The following MTMR4 variants were observed in gnomAD, a reference collection of about 807,000 sequenced individuals.
MTMR4 encodes phosphatidylinositol-3,5-bisphosphate 3-phosphatase MTMR4.
In MTMR4, 30 loss-of-function variants were observed where a neutral mutation model predicts 125.5. That is an observed-to-expected ratio of 0.24 (90% confidence interval 0.18 to 0.32). MTMR4 has a LOEUF of 0.32. Ranked by LOEUF, MTMR4 falls within the 10% of genes least tolerant of loss-of-function variation. MTMR4 has a pLI of 1.00. For synonymous variants in MTMR4, 498 were observed against 564.5 expected (o/e 0.88, Z 1.67); for missense variants, 1,039 against 1,511.5 (o/e 0.69, Z 5.18).
At chr17:58,492,438 G>T in intron 17 of MTMR4, 73 bp downstream of exon 17, 2 of 1,334,444 alleles carry the variant, frequency 1.5e-6, no homozygotes, top group Admixed American at 1.9e-5. Flanking sequence ...CAAGGTGTTG[G>T]CATTACAGGT....
At chr17:58,517,989 A>C (rs976190855), upstream of MTMR4, 2 of 152,716 alleles carry the variant, frequency 1.3e-5, no homozygotes, top group African/African-American at 2.4e-5. Context: ...CCCTGCCCCC[A>C]TCACGCAGCC....
rs761469404 is a variant in MTMR4 at position 58,506,773 on chromosome 17, G to A, written c.1003C>T (p.Arg335Trp). 1.2e-6 allele frequency: 2 copies of A among 1,613,942 alleles called. No homozygotes were observed. The highest frequency in any genetic ancestry group is 1.7e-6 in the Non-Finnish European group (2 of 1,179,998). The change falls in exon 9 of 18, where the codon CGG becomes TGG. Residue 335 changes from arginine (R) to tryptophan (W), a missense_variant. Physicochemically the swap from Arg to Trp is moderately radical, Grantham distance 101. This residue lies in a region of MTMR4 where 107 missense variants were observed against 267.4 expected (regional missense o/e 0.40). Coordinates refer to ENST00000682306, the MANE Select transcript of MTMR4 (RefSeq NM_001378067.1). Reference sequence around the variant, plus strand: ...CATTCACAGCCTCCACCCTTGGCCCGGTTGGCCACTGCTGCCGTGTAGGAT... The same window carrying A: ...CATTCACAGCCTCCACCCTTGGCCCAGTTGGCCACTGCTGCCGTGTAGGAT... Reference protein sequence around the residue: ...ARSYTAAVANRAKGGGCECEE... With the variant: ...ARSYTAAVANWAKGGGCECEE...
intron 15 of MTMR4, among the ~76,000 whole-genome samples, chr17:58,493,297 A>G (rs945365895): frequency 6.6e-6 from 1 of 152,248 alleles, no homozygotes; most frequent in Admixed American, 6.5e-5. Context: ...TGTTTTTGTA[A>G]ATCAGGTTTT....
At chr17:58,514,218 A>G in intron 1 of MTMR4, 145 bp downstream of exon 1, 1 of 725,410 alleles carries the variant, frequency 1.4e-6, no homozygotes, top group Non-Finnish European at 1.7e-6. Flanking sequence ...CCAAGAAATA[A>G]AAGGGTTAAC....
upstream of MTMR4, chr17:58,514,655 AG>A (rs1448911869): frequency 8.4e-5 from 83 of 984,850 alleles, no homozygotes; most frequent in Non-Finnish European, 9.8e-5. Context: ...GCGAGGGGAG[AG>A]CCCGGGACCG....
intron 14 of MTMR4, among the ~76,000 whole-genome samples, chr17:58,498,847 T>C: frequency 6.6e-6 from 1 of 152,146 alleles, no homozygotes; most frequent in East Asian, 1.9e-4. Flanking sequence ...TCTCCTACTT[T>C]TTAAGCTCAG....
chr17:58,517,983 G>GC (rs1567941345), upstream of MTMR4: 3 of 152,896 alleles, frequency 2.0e-5, no homozygotes, highest in Admixed American at 2.0e-4. Context: ...GTCCCGCCCT[G>GC]CCCCCATCAC....
chr17:58,492,459 G>A (rs1975338465), intron 17 of MTMR4, 52 bp downstream of exon 17: 1 of 1,532,330 alleles, frequency 6.5e-7, no homozygotes, highest in Non-Finnish European at 8.9e-7. Flanking sequence ...GTGAGCCACT[G>A]CGCCTGGCCT....
chr17:58,505,321 G>C, intron 10 of MTMR4, 151 bp downstream of exon 10: 1 of 641,390 alleles, frequency 1.6e-6, no homozygotes, highest in South Asian at 1.8e-5. Flanking sequence ...GAAGTGGAAG[G>C]GTTCTTGGAA....
intron 15 of MTMR4, among the ~76,000 whole-genome samples, chr17:58,493,616 A>C (rs1975373021): frequency 6.6e-6 from 1 of 152,198 alleles, no homozygotes; most frequent in African/African-American, 2.4e-5. Context: ...GGCCTCACAA[A>C]GTCCTAAGAC....
chr17:58,508,752 A>T lies in MTMR4; in HGVS notation c.425T>A (p.Phe142Tyr), dbSNP rs780113945. The T allele has an allele frequency of 1.9e-6, 3 of 1,614,208 alleles. No individual in the cohort carries two copies. Among genetic ancestry groups the T allele is most frequent in the Non-Finnish European group, 2.5e-6 (3 of 1,180,036 alleles). ...GCACCAGGCATGGTAGGCAAAGGCA[A>T]AGAGGTCTTCAGGCTTGGCAGGTCT... is the stretch of plus-strand genomic sequence containing the variant. ...TARPAKPEDL[F>Y]AFAYHAWCLG... The change falls in exon 5 of 18, where the codon TTT becomes TAT. Residue 142 changes from phenylalanine to tyrosine, a missense_variant. By Grantham distance (22) the Phe-to-Tyr change is conservative (BLOSUM62 3). Around this residue, in one of 6 missense-constraint regions of MTMR4, gnomAD observed 202 missense variants for 311.9 expected, o/e 0.65. Coordinates refer to ENST00000682306, the MANE Select transcript of MTMR4 (RefSeq NM_001378067.1). This position sits in a 1 kb window ranked among gnomAD's most constrained non-coding sequence, Gnocchi z 4.8.
In MTMR4 at chr17:58,504,284, C is replaced by T; in HGVS notation, c.1527+19G>A. ...CTGTCATTCCCCCCATCCCTGTTGT[C>T]ACAGGCCTTAGGACTTACCAGGAAT... On this transcript the variant is annotated intron_variant, in intron 12 of 17. Transcript: ENST00000682306. The surrounding 1 kb of genome is among the most constrained non-coding windows in gnomAD (Gnocchi z 7.1). The T allele has an allele frequency of 6.2e-7, 1 of 1,607,568 alleles. No individual in the cohort carries two copies. The highest frequency in any genetic ancestry group is 8.5e-7 in the Non-Finnish European group (1 of 1,174,458).
chr17:58,499,444 G>C (rs1975560155), intron 14 of MTMR4, among the ~76,000 whole-genome samples: 1 of 152,026 alleles, frequency 6.6e-6, no homozygotes, highest in Non-Finnish European at 1.5e-5. Context: ...TTACTCGGGA[G>C]GCTGAGGCAG....
chr17:58,498,759 A>G (rs1174638061), intron 14 of MTMR4, among the ~76,000 whole-genome samples: 2 of 151,934 alleles, frequency 1.3e-5, no homozygotes, highest in African/African-American at 4.8e-5. Flanking sequence ...TTTCAATCCC[A>G]ATTTCCCTGT....
At chr17:58,516,654 C>A (rs1297446231), upstream of MTMR4, 8 of 1,576,312 alleles carry the variant, frequency 5.1e-6, no homozygotes, top group Admixed American at 6.7e-5. Context: ...AGTAAAGGAC[C>A]CCATTAACAT....
Position 58,503,916 on chromosome 17 carries a change from T to C in MTMR4, c.1699-18A>G, listed in dbSNP as rs972507750. 35 of 1,604,852 alleles carry C rather than the reference T, an allele frequency of 2.2e-5. No individual in the cohort carries two copies. The highest frequency in any genetic ancestry group is 3.0e-5 in the Non-Finnish European group (35 of 1,175,208). ...TGCAGGACCTAGGGAAGCAGCCCAA[T>C]ACTAGTGCTTTGTCAAGAGTTCCTT... On this transcript the variant is annotated intron_variant, in intron 13 of 17. Transcript: ENST00000682306.
chr17:58,502,656 G>A (rs59359991), intron 14 of MTMR4, among the ~76,000 whole-genome samples: 98 of 152,176 alleles, frequency 6.4e-4, no homozygotes, highest in African/African-American at 2.1e-3. Context: ...AATACAAAGC[G>A]GGAAAAACAA....
At chr17:58,516,166 G>A (rs1976080821), upstream of MTMR4, among the ~76,000 whole-genome samples, 1 of 152,188 alleles carries the variant, frequency 6.6e-6, no homozygotes, top group African/African-American at 2.4e-5. Flanking sequence ...AGTCACTCCT[G>A]ATATAGCATC....
chr17:58,505,709 A>C (rs1975762527), intron 9 of MTMR4, 126 bp from the exon 10 acceptor site: 1 of 538,456 alleles, frequency 1.9e-6, no homozygotes, highest in Admixed American at 2.4e-5. Flanking sequence ...GGAGTTCAAG[A>C]ACAGCCTGAC....
Sources: allele counts gnomAD v4.1 joint callset (sites outside exome capture counted in the v4.1 genomes callset), GRCh38; gene constraint gnomAD v4.1.1; regional missense constraint gnomAD v4.1.1; non-coding constraint Gnocchi (gnomAD v3.1); transcripts MANE v1.5; gene names NCBI Gene and HGNC (gene_info 2026-07-23, HGNC 2026-07-21).